PCDHA5: variants seen among roughly 807,000 people sequenced by gnomAD.
PCDHA5 encodes protocadherin alpha-5.
Under a neutral mutation model 61.6 loss-of-function variants are expected in PCDHA5, and 43 were observed. The observed-to-expected ratio is 0.70, with a 90% CI of 0.55 to 0.90. The LOEUF (loss-of-function observed/expected upper bound fraction) is 0.90. PCDHA5 is among the 40% of genes least tolerant of loss of function. The pLI is 0.00. For missense variants in PCDHA5, 1,298 were observed against 1,222.7 expected (o/e 1.06, Z -0.92); for synonymous variants, 627 against 543.9 (o/e 1.15, Z -2.13).
intron 1 of PCDHA5, among the ~76,000 whole-genome samples, chr5:140,935,203 A>T (rs1403808889): frequency 6.6e-6 from 1 of 152,160 alleles, no homozygotes; most frequent in African/African-American, 2.4e-5. Flanking sequence ...GTTTCTAGGT[A>T]TCTTCAGCTA....
At position 140,850,659 on chromosome 5, in the gene PCDHA5, C is replaced by T. The variant is rs2150492526; in HGVS notation, c.2352+26532C>T. On this transcript the variant is annotated intron_variant, in intron 1 of 3. Coordinates refer to ENST00000529859, the MANE Select transcript of PCDHA5 (RefSeq NM_018908.3). ...CACGCTGCTGCTGTACACTGTGCTG[C>T]GGTGCTCGGCGATGCCCACCGAGGG... is the stretch of plus-strand genomic sequence containing the variant. 2.2e-5 allele frequency: 35 copies of T among 1,598,248 alleles called. No homozygotes were observed. The South Asian group carries it at 3.1e-4, about 14-fold the overall frequency.
intron 3 of PCDHA5, among the ~76,000 whole-genome samples, chr5:141,004,902 G>A (rs1554259808): frequency 1.3e-5 from 2 of 152,084 alleles, no homozygotes; most frequent in African/African-American, 4.8e-5. Flanking sequence ...GCTCTGCCAG[G>A]GTGTAAGGAA....
chr5:141,007,395 C>CAAAAAAA (rs35800918), intron 3 of PCDHA5, among the ~76,000 whole-genome samples: 1,149 of 94,062 alleles, frequency 0.012, no homozygotes, highest in African/African-American at 0.016. Flanking sequence ...TACTAAAATA[C>CAAAAAAA]AAAAAAAAAA....
intron 1 of PCDHA5, chr5:140,876,863 T>C (rs1225401565): frequency 4.3e-6 from 7 of 1,613,806 alleles, no homozygotes; most frequent in Non-Finnish European, 5.1e-6. Flanking sequence ...ACAGTGTTCG[T>C]GAAGGAGAAC....
At chr5:140,941,248 T>TTTCTTTCG (rs1563187616) in intron 1 of PCDHA5, among the ~76,000 whole-genome samples, 2 of 141,492 alleles carry the variant, frequency 1.4e-5, no homozygotes, top group Non-Finnish European at 3.1e-5. Context: ...TCTTTCTTTC[T>TTTCTTTCG]TTCTTTCTCT....
At chr5:140,865,393 T>C (rs1484152946) in intron 1 of PCDHA5, 1 of 152,180 alleles carries the variant, frequency 6.6e-6, no homozygotes, top group Admixed American at 6.5e-5. Flanking sequence ...AAAGTTAATA[T>C]AAATGCTGAA....
intron 1 of PCDHA5, among the ~76,000 whole-genome samples, chr5:140,940,999 A>C (rs2092715324): frequency 1.3e-5 from 2 of 152,264 alleles, no homozygotes; most frequent in Admixed American, 1.3e-4. Context: ...TATAGGATTA[A>C]ATTTTCCTTT....
intron 1 of PCDHA5, chr5:140,877,451 C>G (rs782361627): frequency 6.2e-7 from 1 of 1,613,790 alleles, no homozygotes; most frequent in East Asian, 2.2e-5. Flanking sequence ...CCCGCGCTGA[C>G]GTCCACGGCC....
intron 1 of PCDHA5, among the ~76,000 whole-genome samples, chr5:140,965,644 G>A (rs201197561): frequency 6.6e-6 from 1 of 152,028 alleles, no homozygotes; most frequent in African/African-American, 2.4e-5. Flanking sequence ...AATTACTCTT[G>A]AAAGAAAATG....
intron 1 of PCDHA5, chr5:140,869,000 C>A: frequency 2.0e-6 from 3 of 1,518,418 alleles, no homozygotes; most frequent in Non-Finnish European, 2.6e-6. Flanking sequence ...GTTTAAGGAT[C>A]CTTTGAAACT....
chr5:140,887,801 G>T (rs1377550372), intron 1 of PCDHA5, among the ~76,000 whole-genome samples: 1 of 151,856 alleles, frequency 6.6e-6, no homozygotes, highest in Non-Finnish European at 1.5e-5. Context: ...CTTTATTTTT[G>T]TCCATTTCTT....
intron 1 of PCDHA5, chr5:140,869,286 G>C: frequency 6.2e-7 from 1 of 1,613,616 alleles, no homozygotes; most frequent in Non-Finnish European, 8.5e-7. Flanking sequence ...AGCTGGTGCA[G>C]CGCCTGTTCC....
At chr5:140,971,743 A>G (rs979953004) in intron 1 of PCDHA5, among the ~76,000 whole-genome samples, 1 of 151,474 alleles carries the variant, frequency 6.6e-6, no homozygotes, top group African/African-American at 2.4e-5. Flanking sequence ...ACACATACAT[A>G]TATCTCATAT....
chr5:140,824,610 G>GTTGTTTTTTTTTTTT lies in PCDHA5; in HGVS notation c.2352+485_2352+486insGTTTTTTTTTTTTTT, dbSNP rs1768193318. The GTTGTTTTTTTTTTTT allele has an allele frequency of 3.2e-5, 3 of 95,104 alleles. 1 individual carries two copies. The highest frequency in any genetic ancestry group is 1.5e-4 in the African/African-American group (3 of 20,556). The allele number at this position is 95,104 out of a possible 1,614,324, so 5.9% of individuals were successfully genotyped here. A position where few individuals can be genotyped will look rare whatever the true frequency, so the allele number is the denominator to read the frequency against. On this transcript the variant is annotated intron_variant, in intron 1 of 3. Coordinates refer to ENST00000529859, the MANE Select transcript of PCDHA5 (RefSeq NM_018908.3). ...GGACTACATGCACATGCTAATTAAAGTTTTTTTTTTTTTTTTTTTTTTATT... is the reference window on the plus strand; with the variant it reads ...GGACTACATGCACATGCTAATTAAAGTTGTTTTTTTTTTTTTTTTTTTTTTTTTTTTTTTTTTATT...
chr5:140,877,764 G>A, intron 1 of PCDHA5: 2 of 1,614,160 alleles, frequency 1.2e-6, no homozygotes, highest in Non-Finnish European at 1.7e-6. Context: ...CAGAGAGCCC[G>A]CCCAAGACGG....
rs782131708 is a variant in PCDHA5, at chr5:140,869,055, G to A, written c.2352+44928G>A. The A allele has an allele frequency of 1.9e-6, 3 of 1,547,114 alleles. No homozygotes were observed. In the South Asian group the frequency reaches 3.8e-5, roughly 20 times the overall value. ...TTTTTAACCTGAAACTGAAGAATCTGGTACTGTAAGTGTAAAGAAGCTTAT... is the reference window on the plus strand; with the variant it reads ...TTTTTAACCTGAAACTGAAGAATCTAGTACTGTAAGTGTAAAGAAGCTTAT... On this transcript the variant is annotated intron_variant, in intron 1 of 3. Coordinates refer to ENST00000529859, the MANE Select transcript of PCDHA5 (RefSeq NM_018908.3).
chr5:140,936,435 TTAAA>T (rs1554210994), intron 1 of PCDHA5, among the ~76,000 whole-genome samples: 2 of 152,222 alleles, frequency 1.3e-5, no homozygotes, highest in African/African-American at 4.8e-5. Flanking sequence ...TAATTTAAGC[TTAAA>T]TAACCACATC....
Position 140,979,718 on chromosome 5 carries a change from T to C in PCDHA5, c.2411+711T>C, listed in dbSNP as rs372148471. Among the ~76,000 whole-genome samples, 17 of 152,388 alleles carry C rather than the reference T, an allele frequency of 1.1e-4. No homozygotes were observed. The East Asian group carries it at 2.7e-3, about 24-fold the overall frequency. On this transcript the variant is annotated intron_variant, in intron 2 of 3. Transcript: ENST00000529859. ...ATTTCTGGAGGTGATCCAGTATCCA[T>C]GCCATGGGGCCAAATAAAAGATTCA...
intron 1 of PCDHA5, chr5:140,825,909 C>T (rs1316504738): frequency 6.6e-6 from 1 of 152,370 alleles, no homozygotes; most frequent in Non-Finnish European, 1.5e-5. Flanking sequence ...TTTGAGACTA[C>T]GCTAGACAGG....
Sources: gnomAD v4.1 joint callset for allele counts (sites outside exome capture counted in the v4.1 genomes callset) on GRCh38, gnomAD v4.1.1 for gene constraint, MANE v1.5 for transcripts, NCBI Gene and HGNC (gene_info 2026-07-23, HGNC 2026-07-21) for gene names.